Variants in ANXA10 observed in about 807,000 individuals in gnomAD.
The protein encoded by ANXA10 is annexin A10, also known as annexin 14.
Under a neutral mutation model 53.5 loss-of-function variants are expected in ANXA10, and 49 were observed. That is an observed-to-expected ratio of 0.92 (90% CI 0.73 to 1.16). The LOEUF (loss-of-function observed/expected upper bound fraction) is 1.16, where lower values mean the gene tolerates loss of function less well. Among genes scored for constraint, ANXA10 ranks in the 50% most tolerant of loss-of-function variants. ANXA10 has a pLI of 0.00. For missense variants in ANXA10, 393 were observed against 394.4 expected, an observed-to-expected ratio of 1.00 and a Z score of 0.03; for synonymous variants, 131 against 128.9, an observed-to-expected ratio of 1.02 and a Z score of -0.11.
At chr4:168,124,227 G>A (rs1036595107) in intron 1 of ANXA10, among the ~76,000 whole-genome samples, 2 of 152,188 alleles carry the variant, frequency 1.3e-5, no homozygotes, top group Non-Finnish European at 2.9e-5. Context: ...TGACTCTGGA[G>A]CTAAAGCTTG....
At chr4:168,099,613 A>G (rs985821191) in intron 1 of ANXA10, among the ~76,000 whole-genome samples, 6 of 151,760 alleles carry the variant, frequency 4.0e-5, no homozygotes, top group Non-Finnish European at 8.8e-5. Context: ...ACCAGAAGAA[A>G]CTCTTCGAGA....
Position 168,165,250 on chromosome 4 carries a change from A to G in ANXA10, c.404A>G (p.Tyr135Cys), listed in dbSNP as rs377068264. Reference protein sequence around the residue: ...FQMREAYCLQYSNNLQEDIYS... With the variant: ...FQMREAYCLQCSNNLQEDIYS... ...TTTAACATGTTTTCTTATACAGAAT[A>G]CAGCAATAACCTCCAAGAGGACATT... The change falls in exon 6 of 12, where the codon TAC becomes TGC. Residue 135 changes from tyrosine (Y) to cysteine (C), a missense_variant. Transcript: ENST00000359299. 15 of 1,565,404 alleles carry G rather than the reference A, an allele frequency of 9.6e-6. No individual in the cohort carries two copies. The highest frequency in any genetic ancestry group is 1.2e-5 in the Non-Finnish European group (14 of 1,142,152).
At chr4:168,118,673 CT>C (rs1730937355) in intron 1 of ANXA10, among the ~76,000 whole-genome samples, 2 of 152,140 alleles carry the variant, frequency 1.3e-5, no homozygotes, top group Admixed American at 6.6e-5. Flanking sequence ...AGGATTTCTC[CT>C]TCAGAGCCAT....
chr4:168,152,996 C>T (rs571818292), intron 3 of ANXA10, among the ~76,000 whole-genome samples: 2 of 152,070 alleles, frequency 1.3e-5, no homozygotes, highest in African/African-American at 4.8e-5. Context: ...GTGCATGCCA[C>T]CACACTCAGC....
At chr4:168,147,214 C>T (rs1731420452) in intron 3 of ANXA10, among the ~76,000 whole-genome samples, 1 of 152,188 alleles carries the variant, frequency 6.6e-6, no homozygotes, top group South Asian at 2.1e-4. Flanking sequence ...TCCACCTTGC[C>T]ATTCATTGAG....
At chr4:168,130,856 GTC>G (rs915108580) in intron 2 of ANXA10, among the ~76,000 whole-genome samples, 2 of 150,986 alleles carry the variant, frequency 1.3e-5, no homozygotes, top group African/African-American at 4.9e-5. Context: ...CTCTGTCTCT[GTC>G]TCTCTCTCCC....
intron 2 of ANXA10, among the ~76,000 whole-genome samples, chr4:168,138,522 A>G (rs1731276173): frequency 6.6e-6 from 1 of 152,146 alleles, no homozygotes; most frequent in Non-Finnish European, 1.5e-5. Context: ...GAAATCAGGT[A>G]ATGTGATGAC....
intron 1 of ANXA10, among the ~76,000 whole-genome samples, chr4:168,115,088 G>T (rs915926211): frequency 3.3e-5 from 5 of 152,040 alleles, no homozygotes; most frequent in Admixed American, 6.6e-5. Context: ...CATGTTGCCT[G>T]CTCAGGCTGG....
intron 3 of ANXA10, among the ~76,000 whole-genome samples, chr4:168,146,368 T>C (rs559614578): frequency 2.5e-4 from 38 of 152,282 alleles, no homozygotes; most frequent in African/African-American, 8.9e-4. Context: ...AGTGTTATCA[T>C]TTGTGAGGAC....
intron 1 of ANXA10, among the ~76,000 whole-genome samples, chr4:168,127,299 T>A (rs956785827): frequency 6.6e-6 from 1 of 152,170 alleles, no homozygotes; most frequent in African/African-American, 2.4e-5. Flanking sequence ...CAGTCAAGTT[T>A]TTCTGTTTAC....
At chr4:168,139,010 T>C (rs1731284011) in intron 2 of ANXA10, among the ~76,000 whole-genome samples, 1 of 152,172 alleles carries the variant, frequency 6.6e-6, no homozygotes, top group African/African-American at 2.4e-5. Context: ...CTTTATAGTT[T>C]TCTATAAGAT....
intron 1 of ANXA10, among the ~76,000 whole-genome samples, chr4:168,118,688 A>G (rs893996010): frequency 3.9e-5 from 6 of 152,214 alleles, no homozygotes; most frequent in African/African-American, 7.2e-5. Context: ...GAGCCATTTC[A>G]TGATGGGGAA....
chr4:168,167,471 G>A (rs117750132), intron 6 of ANXA10, among the ~76,000 whole-genome samples: 1 of 152,060 alleles, frequency 6.6e-6, no homozygotes, highest in South Asian at 2.1e-4. Context: ...TTTTGACTTG[G>A]GATATTTTAA....
intron 2 of ANXA10, among the ~76,000 whole-genome samples, chr4:168,135,600 A>G (rs1731224527): frequency 6.6e-6 from 1 of 152,168 alleles, no homozygotes; most frequent in Admixed American, 6.5e-5. Context: ...TGTGCACTAA[A>G]CCAATCTATT....
intron 11 of ANXA10, among the ~76,000 whole-genome samples, chr4:168,185,633 G>T (rs749031452): frequency 6.6e-6 from 1 of 152,206 alleles, no homozygotes; most frequent in Non-Finnish European, 1.5e-5. Context: ...TGAGAGCCTA[G>T]TGGAAAATAA....
In ANXA10 at chr4:168,166,452, C is replaced by T. The variant is rs186078738; in HGVS notation, c.480+1126C>T. On this transcript the variant is annotated intron_variant, in intron 6 of 11. Transcript: ENST00000359299. ...ATAATATTTTTAAAGATATAATTAT[C>T]TCCTGTTTTATACATATTCTCCAAT... 4.0e-4 allele frequency among the ~76,000 whole-genome samples: 61 copies of T among 152,160 alleles called. No homozygotes were observed. The East Asian group carries it at 0.011, about 28-fold the overall frequency.
At chr4:168,184,768 G>A in intron 11 of ANXA10, 87 bp downstream of exon 11, 1 of 1,536,120 alleles carries the variant, frequency 6.5e-7, no homozygotes, top group South Asian at 1.2e-5. Context: ...TAACTTCATG[G>A]CAGACTCTAA....
At chr4:168,130,723 G>A (rs1731143567) in intron 2 of ANXA10, among the ~76,000 whole-genome samples, 1 of 151,836 alleles carries the variant, frequency 6.6e-6, no homozygotes. Flanking sequence ...ATTTCATCTA[G>A]ACTATCAAAT....
At chr4:168,116,350 T>TA (rs1294426862) in intron 1 of ANXA10, among the ~76,000 whole-genome samples, 1 of 152,214 alleles carries the variant, frequency 6.6e-6, no homozygotes, top group African/African-American at 2.4e-5. Flanking sequence ...GCTTGGAGAC[T>TA]TTAGACAAAA....
Sources: gnomAD v4.1 joint callset for allele counts (sites outside exome capture counted in the v4.1 genomes callset) on GRCh38, gnomAD v4.1.1 for gene constraint, MANE v1.5 for transcripts, NCBI Gene and HGNC (gene_info 2026-07-23, HGNC 2026-07-21) for gene names.